Variants in TTLL5 observed in about 807,000 individuals in gnomAD.
The protein encoded by TTLL5 is tubulin tyrosine ligase like 5, also known as tubulin polyglutamylase TTLL5.
A neutral mutation model predicts 168.4 loss-of-function variants in TTLL5; 132 were observed. The observed-to-expected ratio is 0.78, with a 90% CI of 0.68 to 0.91. The LOEUF (loss-of-function observed/expected upper bound fraction) is 0.91. TTLL5 is among the 40% of genes least tolerant of loss of function. The pLI is 0.00. For synonymous variants in TTLL5, 546 were observed against 558.6 expected (o/e 0.98, Z 0.32); for missense variants, 1,545 against 1,581.5 (o/e 0.98, Z 0.39).
rs1891102998 is a variant in TTLL5, at chr14:75,768,643, C to T, written c.2015+2275C>T. On this transcript the variant is annotated intron_variant, in intron 20 of 31. Transcript: ENST00000298832. Reference sequence around the variant, plus strand: ...GGGAAGAGGCCAGAGGAGGGAGTATCTCTTCCTATCAGTCAGAAAGAAAGT... The same window carrying T: ...GGGAAGAGGCCAGAGGAGGGAGTATTTCTTCCTATCAGTCAGAAAGAAAGT... Among the ~76,000 whole-genome samples the T allele has an allele frequency of 2.6e-5, 4 of 152,196 alleles. No individual in the cohort carries two copies. In the South Asian group the frequency reaches 8.3e-4, roughly 32 times the overall value.
chr14:75,924,952 A>G (rs146807031), intron 31 of TTLL5, among the ~76,000 whole-genome samples: 105,426 of 128,322 alleles, frequency 0.82, 43,478 homozygotes, highest in African/African-American at 0.88. Context: ...GCGGCTGGCC[A>G]GGCGGAGGGC....
chr14:75,851,095 CAAAAAA>C (rs35393032), intron 28 of TTLL5, among the ~76,000 whole-genome samples: 7 of 95,952 alleles, frequency 7.3e-5, no homozygotes, highest in African/African-American at 2.1e-4. Context: ...GACCTTGTCT[CAAAAAA>C]AAAAAAAAAA....
At position 75,863,723 on chromosome 14, in the gene TTLL5, G is replaced by A. The variant is rs370427624; in HGVS notation, c.3383G>A (p.Ser1128Asn). 3.7e-6 allele frequency: 6 copies of A among 1,613,464 alleles called. No homozygotes were observed. In the African/African-American group the frequency reaches 5.3e-5, roughly 14 times the overall value. ...GGAGAAGTAGAAAACAACGTGTACAGCCAGGCTACAGGGGTGGTCCCCCAG... is the reference window on the plus strand; with the variant it reads ...GGAGAAGTAGAAAACAACGTGTACAACCAGGCTACAGGGGTGGTCCCCCAG... ...WEGEVENNVY[S>N]QATGVVPQHK... Residue 1128 changes from serine to asparagine, a missense_variant, in exon 29 of 32, where the codon AGC becomes AAC. Transcript: ENST00000298832.
chr14:75,912,098 C>T (rs1358142744), intron 31 of TTLL5, among the ~76,000 whole-genome samples: 3 of 152,328 alleles, frequency 2.0e-5, no homozygotes, highest in East Asian at 1.9e-4. Flanking sequence ...CTGGCTCCTC[C>T]GCAGCCAGCT....
chr14:75,843,450 T>A (rs1896361913), intron 28 of TTLL5, among the ~76,000 whole-genome samples: 1 of 152,234 alleles, frequency 6.6e-6, no homozygotes, highest in African/African-American at 2.4e-5. Flanking sequence ...TTCAGCTGGA[T>A]CTTCACATCC....
At chr14:75,890,514 T>C (rs2032347899) in intron 30 of TTLL5, among the ~76,000 whole-genome samples, 1 of 152,096 alleles carries the variant, frequency 6.6e-6, no homozygotes, top group Non-Finnish European at 1.5e-5. Context: ...TTTTAAAAAC[T>C]AGATGAAAGA....
At chr14:75,738,808 TTTAC>T (rs1251442201) in intron 15 of TTLL5, among the ~76,000 whole-genome samples, 1 of 152,088 alleles carries the variant, frequency 6.6e-6, no homozygotes, top group Non-Finnish European at 1.5e-5. Flanking sequence ...CTAATTTATT[TTTAC>T]TTACTTATTT....
chr14:75,891,652 G>C (rs1329383316), intron 30 of TTLL5, among the ~76,000 whole-genome samples: 2 of 152,186 alleles, frequency 1.3e-5, no homozygotes, highest in African/African-American at 4.8e-5. Context: ...TGATGGCAGT[G>C]GTGGTGGTGA....
chr14:75,770,190 A>AC (rs1891208026), intron 20 of TTLL5, among the ~76,000 whole-genome samples: 2 of 151,328 alleles, frequency 1.3e-5, no homozygotes, highest in South Asian at 4.2e-4. Context: ...AAAAAAAAAA[A>AC]AAAAAAAAGA....
chr14:75,844,780 A>AT (rs1168824857), intron 28 of TTLL5, among the ~76,000 whole-genome samples: 3 of 151,600 alleles, frequency 2.0e-5, no homozygotes, highest in South Asian at 2.1e-4. Flanking sequence ...CCCAAACCTA[A>AT]TTTTTTTTTA....
At position 75,902,213 on chromosome 14, in the gene TTLL5, C is replaced by T; in HGVS notation, c.3812C>T (p.Thr1271Ile). ...AACCCTGCAGCCTTTGTGCCCATCA[C>T]CAGCTCTACAGGTTAGTGGGCACCA... ...SLNPAAFVPI[T>I]SSTDPAHTKI The change falls in exon 31 of 32, where the codon ACC becomes ATC. Residue 1271 changes from threonine to isoleucine, a missense_variant. By Grantham distance (89) the Thr-to-Ile change is moderately conservative. Transcript: ENST00000298832. 2 of 1,614,138 alleles carry T rather than the reference C, an allele frequency of 1.2e-6. No individual in the cohort carries two copies. The highest frequency in any genetic ancestry group is 2.2e-5 in the South Asian group (2 of 91,088).
At chr14:75,904,988 A>C (rs1282327960) in intron 31 of TTLL5, among the ~76,000 whole-genome samples, 1 of 152,232 alleles carries the variant, frequency 6.6e-6, no homozygotes, top group Non-Finnish European at 1.5e-5. Flanking sequence ...CCAACATTTG[A>C]ACTGAAAATC....
At chr14:75,918,221 C>A (rs1482687899) in intron 31 of TTLL5, among the ~76,000 whole-genome samples, 1 of 152,170 alleles carries the variant, frequency 6.6e-6, no homozygotes, top group Non-Finnish European at 1.5e-5. Context: ...GGCTCCCTTG[C>A]CTACTTCTCC....
intron 9 of TTLL5, chr14:75,709,452 T>C (rs1886898180): frequency 2.3e-6 from 1 of 430,976 alleles, no homozygotes; most frequent in Admixed American, 3.9e-5. Flanking sequence ...AACTGAGATT[T>C]TGAGTTTGAG....
At chr14:75,941,544 A>G (rs936317492) in intron 31 of TTLL5, 8 of 152,096 alleles carry the variant, frequency 5.3e-5, no homozygotes, top group African/African-American at 1.9e-4. Flanking sequence ...TTTTAATTTT[A>G]TTTTTCTTAT....
At chr14:75,771,993 C>A in intron 21 of TTLL5, 139 bp downstream of exon 21, 1 of 955,566 alleles carries the variant, frequency 1.0e-6, no homozygotes, top group Non-Finnish European at 1.5e-6. Context: ...TTTTAGATTT[C>A]TTATAAATCT....
At chr14:75,850,511 A>C (rs1489117676) in intron 28 of TTLL5, among the ~76,000 whole-genome samples, 1 of 151,176 alleles carries the variant, frequency 6.6e-6, no homozygotes, top group Non-Finnish European at 1.5e-5. Flanking sequence ...ATTGACTCAT[A>C]GTTCCCAGTG....
intron 15 of TTLL5, among the ~76,000 whole-genome samples, chr14:75,743,006 T>C (rs1889367439): frequency 6.6e-6 from 1 of 152,222 alleles, no homozygotes; most frequent in Admixed American, 6.5e-5. Context: ...CCAAAATCCT[T>C]CTGCAAAGTT....
intron 21 of TTLL5, among the ~76,000 whole-genome samples, chr14:75,774,269 A>G (rs181726924): frequency 3.3e-4 from 50 of 152,268 alleles, no homozygotes; most frequent in African/African-American, 1.1e-3. Flanking sequence ...TCTGATTGGT[A>G]TCTGTTCAGA....
Sources: allele counts gnomAD v4.1 joint callset (sites outside exome capture counted in the v4.1 genomes callset), GRCh38; gene constraint gnomAD v4.1.1; transcripts MANE v1.5; gene names NCBI Gene and HGNC (gene_info 2026-07-23, HGNC 2026-07-21).